The following HS3ST4 variants were observed in gnomAD, a reference collection of about 807,000 sequenced individuals.
HS3ST4 encodes heparan sulfate-glucosamine 3-sulfotransferase 4.
HS3ST4 carries 17 observed loss-of-function variants against 29.2 expected under a neutral mutation model. The observed-to-expected ratio is 0.58, with a 90% CI of 0.40 to 0.87. The LOEUF (loss-of-function observed/expected upper bound fraction) is 0.87, where lower values mean the gene tolerates loss of function less well. HS3ST4 is among the 40% of genes least tolerant of loss of function. HS3ST4 has a pLI of 0.00. For synonymous variants in HS3ST4, 314 were observed against 285.7 expected (o/e 1.10, Z -1.00); for missense variants, 627 against 634.5 (o/e 0.99, Z 0.13).
chr16:25,764,074 G>A (rs139660628), intron 1 of HS3ST4, among the ~76,000 whole-genome samples: 3 of 152,294 alleles, frequency 2.0e-5, no homozygotes, highest in Non-Finnish European at 4.4e-5. Context: ...CTGATTCCTG[G>A]CTTAGGCAAC....
intron 1 of HS3ST4, among the ~76,000 whole-genome samples, chr16:25,996,289 G>A (rs1268428422): frequency 4.6e-5 from 7 of 152,126 alleles, no homozygotes; most frequent in African/African-American, 1.4e-4. Flanking sequence ...GAGGGCCAGG[G>A]TAAAACTGAG....
At chr16:26,126,920 G>A (rs116287069) in intron 1 of HS3ST4, among the ~76,000 whole-genome samples, 6 of 151,946 alleles carry the variant, frequency 3.9e-5, no homozygotes, top group Non-Finnish European at 7.4e-5. Flanking sequence ...ATCTTTTTTA[G>A]TCCACAAAAT....
intron 1 of HS3ST4, among the ~76,000 whole-genome samples, chr16:25,859,041 C>G (rs892084579): frequency 9.2e-5 from 14 of 152,108 alleles, no homozygotes; most frequent in Non-Finnish European, 1.6e-4. Context: ...CCTCCCACCC[C>G]ACACGTCCTT....
intron 1 of HS3ST4, among the ~76,000 whole-genome samples, chr16:25,739,615 C>T (rs1966638296): frequency 6.6e-6 from 1 of 152,208 alleles, no homozygotes; most frequent in Non-Finnish European, 1.5e-5. Flanking sequence ...AGCGATGACA[C>T]TGTTCATCAG....
chr16:25,936,920 G>A (rs989642745), intron 1 of HS3ST4, among the ~76,000 whole-genome samples: 1 of 152,228 alleles, frequency 6.6e-6, no homozygotes, highest in African/African-American at 2.4e-5. Flanking sequence ...ACAGTTGCAG[G>A]TGTAGTGGTA....
At chr16:25,849,745 A>G (rs1215091874) in intron 1 of HS3ST4, among the ~76,000 whole-genome samples, 1 of 151,620 alleles carries the variant, frequency 6.6e-6, no homozygotes, top group Non-Finnish European at 1.5e-5. Flanking sequence ...GGGCTCAAGC[A>G]ATTTGCCTGC....
intron 1 of HS3ST4, among the ~76,000 whole-genome samples, chr16:25,762,353 G>T (rs1248565282): frequency 6.6e-6 from 1 of 152,064 alleles, no homozygotes; most frequent in Non-Finnish European, 1.5e-5. Context: ...TACTTTTTTG[G>T]AATTTCTCGC....
At chr16:26,031,948 G>A (rs1302111248) in intron 1 of HS3ST4, among the ~76,000 whole-genome samples, 2 of 151,952 alleles carry the variant, frequency 1.3e-5, no homozygotes, top group African/African-American at 2.4e-5. Flanking sequence ...ATTTAGCATG[G>A]TGTTTAACAA....
In HS3ST4 at chr16:26,039,614, A is replaced by G. The variant is rs1359222595; in HGVS notation, c.735-95998A>G. On this transcript the variant is annotated intron_variant, in intron 1 of 1. Coordinates refer to ENST00000331351, the MANE Select transcript of HS3ST4 (RefSeq NM_006040.3). ...CAAACAATCCAATTACACTATTTTA[A>G]TTATGAAATATACAATTAAGTTATT... is the stretch of plus-strand genomic sequence containing the variant. Among the ~76,000 whole-genome samples, 4 of 152,140 alleles carry G rather than the reference A, an allele frequency of 2.6e-5. No individual in the cohort carries two copies. The East Asian group carries it at 7.7e-4, about 29-fold the overall frequency.
At chr16:26,049,679 A>T (rs1274587088) in intron 1 of HS3ST4, among the ~76,000 whole-genome samples, 1 of 152,050 alleles carries the variant, frequency 6.6e-6, no homozygotes, top group African/African-American at 2.4e-5. Flanking sequence ...GACACCATCT[A>T]CCTGGAGATA....
chr16:25,828,258 TTC>T (rs1967246550), intron 1 of HS3ST4, among the ~76,000 whole-genome samples: 3 of 87,046 alleles, frequency 3.4e-5, no homozygotes, highest in African/African-American at 1.4e-4. Context: ...CTTTCTTTCT[TTC>T]TTTCTTTCTT....
intron 1 of HS3ST4, among the ~76,000 whole-genome samples, chr16:26,117,187 G>T (rs1039584061): frequency 2.0e-5 from 3 of 152,226 alleles, no homozygotes; most frequent in Non-Finnish European, 4.4e-5. Context: ...CTACAGAGTT[G>T]TGGTGACTTC....
intron 1 of HS3ST4, among the ~76,000 whole-genome samples, chr16:26,124,833 G>A (rs1436270223): frequency 1.3e-5 from 2 of 152,226 alleles, no homozygotes; most frequent in African/African-American, 2.4e-5. Context: ...TCATTTGAGA[G>A]AGAAGAAGCT....
intron 1 of HS3ST4, among the ~76,000 whole-genome samples, chr16:25,799,384 A>G (rs549161488): frequency 2.0e-5 from 3 of 152,340 alleles, no homozygotes; most frequent in South Asian, 2.1e-4. Flanking sequence ...TTAAATATTT[A>G]TCACATTGCC....
intron 1 of HS3ST4, among the ~76,000 whole-genome samples, chr16:25,713,296 G>A (rs570294462): frequency 2.0e-5 from 3 of 152,034 alleles, no homozygotes; most frequent in Non-Finnish European, 4.4e-5. Flanking sequence ...TGGGGGCTGA[G>A]GTGGGAGGAT....
At position 25,857,899 on chromosome 16, in the gene HS3ST4, T is replaced by TCTTCCTTCCTTC. The variant is rs370477899; in HGVS notation, c.734+164760_734+164771dup. On this transcript the variant is annotated intron_variant, in intron 1 of 1. Transcript: ENST00000331351. ...TTCTCTTTCTTTCTTTCTTTTTCTT[T>TCTTCCTTCCTTC]CTTCCTTCCTTCCTTCCTTCCTTTC... Among the ~76,000 whole-genome samples the TCTTCCTTCCTTC allele has an allele frequency of 4.4e-4, 41 of 93,706 alleles. 1 individual carries two copies. The highest frequency in any genetic ancestry group is 8.0e-4 in the South Asian group (2 of 2,502). The allele number at this position is 93,706 out of a possible 152,430, so 61.5% of individuals were successfully genotyped here.
intron 1 of HS3ST4, among the ~76,000 whole-genome samples, chr16:25,978,803 G>A (rs1968970867): frequency 6.6e-6 from 1 of 152,162 alleles, no homozygotes; most frequent in Admixed American, 6.5e-5. Context: ...AAAAACCATA[G>A]CAAGGCTCAG....
intron 1 of HS3ST4, among the ~76,000 whole-genome samples, chr16:25,976,076 A>C (rs568620903): frequency 6.6e-6 from 1 of 152,324 alleles, no homozygotes; most frequent in East Asian, 1.9e-4. Flanking sequence ...GTCCCGGTTC[A>C]CAGTTCCACC....
At chr16:25,919,760 A>G (rs553091112) in intron 1 of HS3ST4, among the ~76,000 whole-genome samples, 230 of 152,314 alleles carry the variant, frequency 1.5e-3, no homozygotes, top group Admixed American at 4.3e-3. Flanking sequence ...CTTTGCCTAA[A>G]CTCTGCTGAG....
Sources: allele counts gnomAD v4.1 joint callset (sites outside exome capture counted in the v4.1 genomes callset), GRCh38; gene constraint gnomAD v4.1.1; transcripts MANE v1.5; gene names NCBI Gene and HGNC (gene_info 2026-07-23, HGNC 2026-07-21).